The following DTYMK variants were observed in gnomAD, a reference collection of about 807,000 sequenced individuals.
DTYMK encodes thymidylate kinase.
DTYMK carries 20 observed loss-of-function variants against 20.3 expected under a neutral mutation model. That is an observed-to-expected ratio of 0.99 (90% CI 0.69 to 1.43). The LOEUF (loss-of-function observed/expected upper bound fraction) is 1.43, where lower values mean the gene tolerates loss of function less well. Among genes scored for constraint, DTYMK ranks in the 40% most tolerant of loss-of-function variants. The pLI, the probability that DTYMK is intolerant of heterozygous loss-of-function variation, is 0.00. For missense variants in DTYMK, 320 were observed against 291.1 expected (o/e 1.10, Z -0.72); for synonymous variants, 148 against 124.4 (o/e 1.19, Z -1.27).
intron 4 of DTYMK, 59 bp from the exon 5 acceptor site, chr2:241,676,296 A>G (rs773681517): frequency 5.0e-5 from 74 of 1,487,662 alleles, no homozygotes; most frequent in Non-Finnish European, 6.6e-5. Flanking sequence ...CAGGCTGGTC[A>G]CGGGAGCCCA....
chr2:241,686,632 A>AC (rs773311128), intron 1 of DTYMK, 22 bp downstream of exon 1: 4 of 1,480,706 alleles, frequency 2.7e-6, no homozygotes, highest in East Asian at 5.3e-5. Flanking sequence ...GCCGCGGCGC[A>AC]CCCCCCGCCG....
chr2:241,675,942 C>G lies in DTYMK; in HGVS notation c.*185G>C, dbSNP rs539659643. Reference sequence around the variant, plus strand: ...CTGCTCATGTCCACACTGCCAAGGTCCCCACCACGGGGGTCCCCAGTGCAC... The same window carrying G: ...CTGCTCATGTCCACACTGCCAAGGTGCCCACCACGGGGGTCCCCAGTGCAC... On this transcript the variant is annotated 3_prime_UTR_variant, in exon 5 of 5. Coordinates refer to ENST00000305784, the MANE Select transcript of DTYMK (RefSeq NM_012145.4). 2.0e-4 allele frequency: 112 copies of G among 562,058 alleles called. No homozygotes were observed. Among genetic ancestry groups the G allele is most frequent in the African/African-American group, 1.8e-3 (95 of 52,492 alleles). 34.8% of individuals were successfully genotyped at this position (562,058 alleles called of 1,614,324 possible).
At chr2:241,682,027 G>A (rs1414340514) in intron 2 of DTYMK, 34 of 323,926 alleles carry the variant, frequency 1.0e-4, no homozygotes, top group South Asian at 7.5e-4. Context: ...CTGGGCAACA[G>A]AGCAAGACAT....
At chr2:241,678,113 A>G (rs1367583216) in intron 4 of DTYMK, among the ~76,000 whole-genome samples, 1 of 151,886 alleles carries the variant, frequency 6.6e-6, no homozygotes, top group Admixed American at 6.6e-5. Flanking sequence ...CCATCTCTAC[A>G]AAAAAAATTA....
chr2:241,685,503 G>A (rs2069367740), intron 2 of DTYMK: 2 of 287,486 alleles, frequency 7.0e-6, no homozygotes, highest in Non-Finnish European at 1.3e-5. Context: ...TCTGCCTGGC[G>A]ACAGAGCGGA....
At chr2:241,679,800 C>G (rs1341553361) in intron 3 of DTYMK, among the ~76,000 whole-genome samples, 1 of 152,018 alleles carries the variant, frequency 6.6e-6, no homozygotes, top group Non-Finnish European at 1.5e-5. Flanking sequence ...AAAACCCCGT[C>G]TCTACTAAAA....
rs757247334 is a variant in DTYMK at position 241,678,668 on chromosome 2, A to G, written c.331-19T>C. ...AAAAATTCTGCCAAGAAAGAACCCA[A>G]CAGTTAAAGCTTAGTGTAGTCTAGG... On this transcript the variant is annotated intron_variant, in intron 3 of 4. Coordinates refer to ENST00000305784, the MANE Select transcript of DTYMK (RefSeq NM_012145.4). The G allele has an allele frequency of 3.1e-6, 5 of 1,613,574 alleles. No individual in the cohort carries two copies. The Admixed American group carries it at 6.7e-5, about 22-fold the overall frequency.
intron 4 of DTYMK, among the ~76,000 whole-genome samples, chr2:241,676,768 A>G (rs6716077): frequency 0.65 from 98,241 of 152,190 alleles, 31,832 homozygotes; most frequent in Middle Eastern, 0.72. Context: ...GCACAGCCAG[A>G]CCCACCCAGC....
At position 241,678,551 on chromosome 2, in the gene DTYMK, C is replaced by T. The variant is rs373212968; in HGVS notation, c.429G>A (p.Arg143=). 7.1e-5 allele frequency: 115 copies of T among 1,614,100 alleles called. 1 individual carries two copies. Among genetic ancestry groups the T allele is most frequent in the Admixed American group, 5.2e-4 (31 of 60,012 alleles). The part of the protein sequence containing the change: ...LQLQLADAAK[R]GAFGHERYEN... Reference sequence around the variant, plus strand: ...CATAGCGCTCATGGCCAAACGCTCCCCGCTTGGCAGCATCCGCCAGCTGTA... The same window carrying T: ...CATAGCGCTCATGGCCAAACGCTCCTCGCTTGGCAGCATCCGCCAGCTGTA... Residue 143 remains arginine, a synonymous_variant, in exon 4 of 5, where the codon CGG becomes CGA. Coordinates refer to ENST00000305784, the MANE Select transcript of DTYMK (RefSeq NM_012145.4).
chr2:241,679,185 GCAC>G (rs1359896033), intron 3 of DTYMK, among the ~76,000 whole-genome samples: 19 of 152,294 alleles, frequency 1.2e-4, no homozygotes, highest in African/African-American at 4.6e-4. Flanking sequence ...GGCTGTGCCA[GCAC>G]CCTCTCTCCC....
chr2:241,686,007 C>T, intron 1 of DTYMK, 130 bp from the exon 2 acceptor site: 1 of 880,250 alleles, frequency 1.1e-6, no homozygotes, highest in Non-Finnish European at 1.7e-6. Context: ...AATCTCTAGA[C>T]AGGCTTGGAT....
Position 241,685,804 on chromosome 2 carries a change from C to T in DTYMK, c.204G>A (p.Val68=). 2 of 1,614,134 alleles carry T rather than the reference C, an allele frequency of 1.2e-6. No homozygotes were observed. Among genetic ancestry groups the T allele is most frequent in the African/African-American group, 2.7e-5 (2 of 75,054 alleles). ...AGCGATTTGCAGAAAAAAGCAGGTGCACCGAGTGATCCTCCACGTCACTTT... is the reference window on the plus strand; with the variant it reads ...AGCGATTTGCAGAAAAAAGCAGGTGTACCGAGTGATCCTCCACGTCACTTT... ...QKKSDVEDHS[V]HLLFSANRWE... is the part of the protein sequence containing the mutation. Residue 68 remains valine, a synonymous_variant, in exon 2 of 5, where the codon GTG becomes GTA. Coordinates refer to ENST00000305784, the MANE Select transcript of DTYMK (RefSeq NM_012145.4).
intron 3 of DTYMK, 84 bp downstream of exon 3, chr2:241,680,145 G>C: frequency 1.6e-6 from 2 of 1,252,792 alleles, no homozygotes; most frequent in Non-Finnish European, 2.3e-6. Context: ...AGTAATCTGA[G>C]GCATGTCACT....
intron 1 of DTYMK, among the ~76,000 whole-genome samples, chr2:241,686,220 T>C (rs1327842946): frequency 6.6e-6 from 1 of 152,226 alleles, no homozygotes; most frequent in Non-Finnish European, 1.5e-5. Flanking sequence ...ATAAAACCCC[T>C]GAAAGCGCGA....
In DTYMK at chr2:241,678,759, G is replaced by A. The variant is rs774077840; in HGVS notation, c.331-110C>T. On this transcript the variant is annotated intron_variant, in intron 3 of 4. Transcript: ENST00000305784. ...GACATTTGGTGAGGTACCAAGATGT[G>A]AGACTGTTTATATTGTGGCTCGTTT... The A allele has an allele frequency of 1.5e-4, 179 of 1,206,444 alleles. 1 individual carries two copies. Among genetic ancestry groups the A allele is most frequent in the Non-Finnish European group, 2.0e-4 (172 of 852,950 alleles). 74.7% of individuals were successfully genotyped at this position (1,206,444 alleles called of 1,614,324 possible).
At chr2:241,686,017 T>C in intron 1 of DTYMK, 140 bp from the exon 2 acceptor site, 1 of 787,642 alleles carries the variant, frequency 1.3e-6, no homozygotes, top group Non-Finnish European at 1.9e-6. Context: ...CAGGCTTGGA[T>C]CTTCTGCGGA....
chr2:241,679,342 C>T (rs919237020), intron 3 of DTYMK, among the ~76,000 whole-genome samples: 1 of 152,244 alleles, frequency 6.6e-6, no homozygotes, highest in African/African-American at 2.4e-5. Flanking sequence ...CCCACAGAGC[C>T]TGCGGCTCTG....
At chr2:241,685,701 G>A in intron 2 of DTYMK, 68 bp downstream of exon 2, 2 of 1,474,150 alleles carry the variant, frequency 1.4e-6, no homozygotes, top group South Asian at 2.3e-5. Context: ...ATCGAGTGCT[G>A]CGTTCACTGA....
At chr2:241,682,352 GAA>G (rs903799760) in intron 2 of DTYMK, 18 of 378,856 alleles carry the variant, frequency 4.8e-5, no homozygotes, top group Admixed American at 3.6e-5. Flanking sequence ...AGAAAAGAGA[GAA>G]AGAGAGTGAG....
Sources: gnomAD v4.1 joint callset for allele counts (sites outside exome capture counted in the v4.1 genomes callset) on GRCh38, gnomAD v4.1.1 for gene constraint, MANE v1.5 for transcripts, NCBI Gene and HGNC (gene_info 2026-07-23, HGNC 2026-07-21) for gene names.